The following RTKN variants were observed in gnomAD, a reference collection of about 807,000 sequenced individuals.
The protein encoded by RTKN is rhotekin.
RTKN carries 49 observed loss-of-function variants against 63.5 expected under a neutral mutation model. The observed-to-expected ratio is 0.77, with a 90% CI of 0.61 to 0.98. RTKN has a LOEUF of 0.98. RTKN is among the 50% of genes least tolerant of loss of function. The pLI is 0.00. For missense variants in RTKN, 685 were observed against 740.8 expected, an observed-to-expected ratio of 0.92 and a Z score of 0.87; for synonymous variants, 295 against 290.4, an observed-to-expected ratio of 1.02 and a Z score of -0.16.
rs1283375750 is a variant in RTKN at position 74,441,877 on chromosome 2, C to G, written c.-61G>C. On this transcript the variant is annotated 5_prime_UTR_variant, in exon 1 of 12. Transcript: ENST00000272430. ...TCCCCGCGCCGCCCGGCTTAGCCTCCTCTCCTCGGCTTCTGTCTCTCGACG... is the reference window on the plus strand; with the variant it reads ...TCCCCGCGCCGCCCGGCTTAGCCTCGTCTCCTCGGCTTCTGTCTCTCGACG... 2 of 1,001,962 alleles carry G rather than the reference C, an allele frequency of 2.0e-6. No homozygotes were observed. Among genetic ancestry groups the G allele is most frequent in the East Asian group, 5.1e-5 (2 of 39,456 alleles). 62.1% of individuals were successfully genotyped at this position (1,001,962 alleles called of 1,614,324 possible). A position where few individuals can be genotyped will look rare whatever the true frequency, so the allele number is the denominator to read the frequency against.
Position 74,430,007 on chromosome 2 carries a change from C to G in RTKN, c.576G>C (p.Arg192=), listed in dbSNP as rs1023079899. The change falls in exon 6 of 12, where the codon CGG becomes CGC. Residue 192 remains arginine, a synonymous_variant. Transcript: ENST00000272430. ...FAEAGPDFEL[R]LELYGACVEE... Reference sequence around the variant, plus strand: ...CCACACAGGCCCCATACAGCTCTAACCGCAGTTCAAAGTCTGGCCCCGCCT... The same window carrying G: ...CCACACAGGCCCCATACAGCTCTAAGCGCAGTTCAAAGTCTGGCCCCGCCT... 6.2e-7 allele frequency: 1 copy of G among 1,614,142 alleles called. No homozygotes were observed. The highest frequency in any genetic ancestry group is 8.5e-7 in the Non-Finnish European group (1 of 1,180,060).
Position 74,427,425 on chromosome 2 carries a change from C to G in RTKN, c.1254G>C (p.Met418Ile). Reference sequence around the variant, plus strand: ...CAACCCAGCCCCCTTCTCTCTTACTCATGTCAAAGAAAAGCTGCCACAGAG... The same window carrying G: ...CAACCCAGCCCCCTTCTCTCTTACTGATGTCAAAGAAAAGCTGCCACAGAG... ...MEALWQLFFD[M>I]SQWKQCCDEI... The change falls in exon 10 of 12, where the codon ATG becomes ATC. Residue 418 changes from methionine (M) to isoleucine (I), a missense_variant and splice_region_variant. By Grantham distance (10) the Met-to-Ile change is conservative. Coordinates refer to ENST00000272430, the MANE Select transcript of RTKN (RefSeq NM_001015055.2). 1 of 1,614,044 alleles carries G rather than the reference C, an allele frequency of 6.2e-7. No individual in the cohort carries two copies. Among genetic ancestry groups the G allele is most frequent in the Non-Finnish European group, 8.5e-7 (1 of 1,179,978 alleles).
Position 74,428,935 on chromosome 2 carries a change from G to C in RTKN, c.763C>G (p.Arg255Gly). 6.2e-7 allele frequency: 1 copy of C among 1,613,638 alleles called. No homozygotes were observed. Among genetic ancestry groups the C allele is most frequent in the South Asian group, 1.1e-5 (1 of 91,062 alleles). Residue 255 changes from arginine to glycine, a missense_variant, in exon 7 of 12, where the codon CGT becomes GGT. Physicochemically the swap from Arg to Gly is moderately radical, Grantham distance 125. Coordinates refer to ENST00000272430, the MANE Select transcript of RTKN (RefSeq NM_001015055.2). ...GTGGTGTGAGCCAAGAGGTGGTAAC[G>C]AGGACCACTGAGGGAGATAGGAGAG... ...LLPTPVVGGP[R>G]YHLLAHTTLT... is the part of the protein sequence containing the mutation.
intron 11 of RTKN, chr2:74,426,964 G>A (rs950101116): frequency 8.1e-6 from 8 of 985,262 alleles, no homozygotes; most frequent in Non-Finnish European, 9.6e-6. Flanking sequence ...GGCTCACTGG[G>A]GTTTTGTTTT....
Position 74,441,780 on chromosome 2 carries a change from C to G in RTKN, c.37G>C (p.Ala13Pro). 1 of 1,611,722 alleles carries G rather than the reference C, an allele frequency of 6.2e-7. No homozygotes were observed. The highest frequency in any genetic ancestry group is 8.5e-7 in the Non-Finnish European group (1 of 1,179,488). Residue 13 changes from alanine to proline, a missense_variant, in exon 1 of 12, where the codon GCC becomes CCC. Coordinates refer to ENST00000272430, the MANE Select transcript of RTKN (RefSeq NM_001015055.2). ...SRNHRSRVTVARGSALEMEFK... is the reference protein window; with the variant it reads ...SRNHRSRVTVPRGSALEMEFK... ...TCCATCTCCAGGGCGGAGCCCCTGGCCACGGTGACCCGGCTCCGGTGGTTT... is the reference window on the plus strand; with the variant it reads ...TCCATCTCCAGGGCGGAGCCCCTGGGCACGGTGACCCGGCTCCGGTGGTTT...
chr2:74,436,307 A>G lies in RTKN; in HGVS notation c.112-3641T>C, dbSNP rs1051030999. ...AGGGCCGCGGGAAATCGGAGGAGCCAGGGCGCCAGCATAGCTGCACCGCCT... is the reference window on the plus strand; with the variant it reads ...AGGGCCGCGGGAAATCGGAGGAGCCGGGGCGCCAGCATAGCTGCACCGCCT... On this transcript the variant is annotated intron_variant, in intron 1 of 11. Transcript: ENST00000272430. This position sits in a 1 kb window ranked among gnomAD's most constrained non-coding sequence, Gnocchi z 4.3. Among the ~76,000 whole-genome samples, 1 of 152,188 alleles carries G rather than the reference A, an allele frequency of 6.6e-6. No individual in the cohort carries two copies. The highest frequency in any genetic ancestry group is 1.5e-5 in the Non-Finnish European group (1 of 68,016).
chr2:74,429,672 G>A (rs1006940886), intron 6 of RTKN, among the ~76,000 whole-genome samples, 156 bp downstream of exon 6: 2 of 152,200 alleles, frequency 1.3e-5, no homozygotes. Context: ...GGCGTGGGCT[G>A]GAATGCCTCC....
Position 74,429,831 on chromosome 2 carries a change from A to G in RTKN, c.752T>C (p.Val251Ala). The G allele has an allele frequency of 6.2e-7, 1 of 1,613,446 alleles. No individual in the cohort carries two copies. The highest frequency in any genetic ancestry group is 8.5e-7 in the Non-Finnish European group (1 of 1,179,762). Residue 251 changes from valine to alanine, a missense_variant, in exon 6 of 12, where the codon GTT (valine) becomes GCT (alanine). Coordinates refer to ENST00000272430, the MANE Select transcript of RTKN (RefSeq NM_001015055.2). Reference sequence around the variant, plus strand: ...GTGTCGGTGTGCAAGGCCTTACCCAACAACTGGGGTGGGGAGCAAGATGGG... The same window carrying G: ...GTGTCGGTGTGCAAGGCCTTACCCAGCAACTGGGGTGGGGAGCAAGATGGG... ...SSPILLPTPV[V>A]GGPRYHLLAH...
chr2:74,440,311 A>G (rs1272150953), intron 1 of RTKN: 7 of 970,286 alleles, frequency 7.2e-6, no homozygotes, highest in African/African-American at 1.8e-5. Flanking sequence ...CTTCCAACTC[A>G]GGGCCCCCAT....
chr2:74,432,537 G>T lies in RTKN; in HGVS notation c.241C>A (p.Arg81Ser). 6.2e-7 allele frequency: 1 copy of T among 1,613,980 alleles called. No homozygotes were observed. The highest frequency in any genetic ancestry group is 8.5e-7 in the Non-Finnish European group (1 of 1,180,030). ...AGCTCGCCCATGTAGCTGAGGATGC[G>T]GCTGTTGCACACTAGCAGGCTCTTG... is the stretch of plus-strand genomic sequence containing the variant. ...ATKSLLVCNS[R>S]ILSYMGELQR... The change falls in exon 2 of 12, where the codon CGC becomes AGC. Residue 81 changes from arginine (R) to serine (S), a missense_variant. Transcript: ENST00000272430.
rs1032092336 is a variant in RTKN at position 74,436,112 on chromosome 2, G to A, written c.112-3446C>T. On this transcript the variant is annotated intron_variant, in intron 1 of 11. Coordinates refer to ENST00000272430, the MANE Select transcript of RTKN (RefSeq NM_001015055.2). This position sits in a 1 kb window ranked among gnomAD's most constrained non-coding sequence, Gnocchi z 4.3. The stretch of plus-strand genomic sequence containing the variant: ...CTTCAGCCACAAACATCCCAAATGG[G>A]TGAGCCTGGCAGGAGGGGGACACGG... Among the ~76,000 whole-genome samples the A allele has an allele frequency of 6.6e-6, 1 of 152,198 alleles. No individual in the cohort carries two copies. The highest frequency in any genetic ancestry group is 2.4e-5 in the African/African-American group (1 of 41,436).
intron 1 of RTKN, among the ~76,000 whole-genome samples, chr2:74,435,239 A>C (rs1028582479): frequency 6.6e-6 from 1 of 152,178 alleles, no homozygotes; most frequent in African/African-American, 2.4e-5. Context: ...GGAGCCCTGG[A>C]GGTCCTGCTT....
chr2:74,440,567 C>A (rs1671313431), intron 1 of RTKN: 1 of 985,840 alleles, frequency 1.0e-6, no homozygotes, highest in South Asian at 4.7e-5. Context: ...TCCGCCCCAG[C>A]TCCTCCGAGC....
At chr2:74,439,535 A>G (rs1046122582) in intron 1 of RTKN, 12 of 1,613,904 alleles carry the variant, frequency 7.4e-6, no homozygotes, top group Non-Finnish European at 9.3e-6. Flanking sequence ...GTGTACTCCA[A>G]GGGTCGGGGG....
chr2:74,434,801 G>A (rs1021670309), intron 1 of RTKN, among the ~76,000 whole-genome samples: 2 of 152,144 alleles, frequency 1.3e-5, no homozygotes, highest in Non-Finnish European at 2.9e-5. Context: ...AAAAAAAAAT[G>A]ATCAGGCCCT....
intron 4 of RTKN, 37 bp downstream of exon 4, chr2:74,430,428 A>T: frequency 6.2e-7 from 1 of 1,613,616 alleles, no homozygotes; most frequent in Non-Finnish European, 8.5e-7. Context: ...CTTCAGGGTC[A>T]TTCCCCTGAA....
At chr2:74,441,154 T>A (rs554111038) in intron 1 of RTKN, among the ~76,000 whole-genome samples, 44 of 152,158 alleles carry the variant, frequency 2.9e-4, no homozygotes, top group African/African-American at 1.0e-3. Flanking sequence ...GAGGCGGAAA[T>A]TTTGCGTGTG....
intron 1 of RTKN, chr2:74,440,090 G>T: frequency 1.4e-6 from 1 of 722,736 alleles, no homozygotes; most frequent in Non-Finnish European, 1.7e-6. Flanking sequence ...TGAGGGGCAG[G>T]CACAACTGGA....
In RTKN at chr2:74,430,598, G is replaced by A. The variant is rs1670691586; in HGVS notation, c.373+18C>T. The A allele has an allele frequency of 6.2e-7, 1 of 1,614,128 alleles. No individual in the cohort carries two copies. Among genetic ancestry groups the A allele is most frequent in the Non-Finnish European group, 8.5e-7 (1 of 1,179,966 alleles). ...TTGGGCAAGGGGTACCAGCAGCTGG[G>A]GTAGCTGTGCTTCTTACCAGAGATG... On this transcript the variant is annotated intron_variant, in intron 3 of 11. Transcript: ENST00000272430.
Sources: gnomAD v4.1 joint callset for allele counts (sites outside exome capture counted in the v4.1 genomes callset) on GRCh38, gnomAD v4.1.1 for gene constraint, Gnocchi (gnomAD v3.1) non-coding constraint, MANE v1.5 for transcripts, NCBI Gene and HGNC (gene_info 2026-07-23, HGNC 2026-07-21) for gene names.